SDK1: variants seen among roughly 807,000 people sequenced by gnomAD.
SDK1 encodes the protein sidekick cell adhesion molecule 1.
Under a neutral mutation model 245.5 loss-of-function variants are expected in SDK1, and 157 were observed. The observed-to-expected ratio is 0.64, with a 90% CI of 0.56 to 0.73. The LOEUF is 0.73. SDK1 is among the 30% of genes least tolerant of loss of function. The probability of loss-of-function intolerance (pLI) is 0.00; values close to 1 mark genes in which losing one functional copy is unlikely to be tolerated. For missense variants in SDK1, 3,583 were observed against 3,002.3 expected (o/e 1.19, Z -4.52); for synonymous variants, 1,647 against 1,278.5 (o/e 1.29, Z -6.15).
At chr7:3,609,621 C>G (rs778714592) in intron 1 of SDK1, among the ~76,000 whole-genome samples, 3 of 152,000 alleles carry the variant, frequency 2.0e-5, no homozygotes, top group Non-Finnish European at 4.4e-5. Context: ...AGGATGGTCT[C>G]GATTTCCTGA....
chr7:3,694,093 A>C (rs1298977466), intron 4 of SDK1, among the ~76,000 whole-genome samples: 1 of 152,160 alleles, frequency 6.6e-6, no homozygotes, highest in African/African-American at 2.4e-5. Context: ...TCTTGCCCAA[A>C]AGTGTGCCCG....
chr7:3,484,315 C>T (rs535543694), intron 1 of SDK1, among the ~76,000 whole-genome samples: 13 of 152,068 alleles, frequency 8.5e-5, no homozygotes, highest in African/African-American at 2.2e-4. Flanking sequence ...AAACATAGAT[C>T]GAAAATACAT....
chr7:3,377,810 A>T (rs998545954), intron 1 of SDK1, among the ~76,000 whole-genome samples: 1 of 151,918 alleles, frequency 6.6e-6, no homozygotes, highest in Non-Finnish European at 1.5e-5. Flanking sequence ...ACAGAGTCTC[A>T]CTCTGTTGCC....
chr7:4,205,873 C>T lies in SDK1; in HGVS notation c.5099-6C>T. Reference sequence around the variant, plus strand: ...TCAGCTTCTCTCCGCATTGCTCTTTCCTCAGCCCCGGCCATGGCCCCGCAG... The same window carrying T: ...TCAGCTTCTCTCCGCATTGCTCTTTTCTCAGCCCCGGCCATGGCCCCGCAG... On this transcript the variant is annotated splice_region_variant and splice_polypyrimidine_tract_variant and intron_variant, in intron 35 of 44. Coordinates refer to ENST00000404826, the MANE Select transcript of SDK1 (RefSeq NM_152744.4). The T allele has an allele frequency of 1.3e-6, 2 of 1,551,298 alleles. No homozygotes were observed. Among genetic ancestry groups the T allele is most frequent in the Non-Finnish European group, 1.7e-6 (2 of 1,146,580 alleles).
At chr7:3,994,799 C>G (rs1784582183) in intron 14 of SDK1, among the ~76,000 whole-genome samples, 2 of 152,190 alleles carry the variant, frequency 1.3e-5, no homozygotes, top group Admixed American at 6.5e-5. Context: ...ACCACTGACC[C>G]TAACTGGCTG....
chr7:3,344,112 C>T (rs1030157290), intron 1 of SDK1, among the ~76,000 whole-genome samples: 1 of 151,654 alleles, frequency 6.6e-6, no homozygotes, highest in Non-Finnish European at 1.5e-5. Flanking sequence ...TGTACCAAAG[C>T]CTATGGACAC....
intron 1 of SDK1, among the ~76,000 whole-genome samples, chr7:3,445,222 T>C (rs1780308974): frequency 6.6e-6 from 1 of 152,192 alleles, no homozygotes; most frequent in African/African-American, 2.4e-5. Flanking sequence ...ATTCACATTT[T>C]AACACTTGGG....
rs57333515 is a variant in SDK1 at position 4,127,577 on chromosome 7, C to T, written c.3939+81C>T. On this transcript the variant is annotated intron_variant, in intron 26 of 44. Coordinates refer to ENST00000404826, the MANE Select transcript of SDK1 (RefSeq NM_152744.4). ...AGCATGTGCTATTCCCCCAAAGCAA[C>T]GAGCTTCCTCTTCTCCTACAGATCT... is the stretch of plus-strand genomic sequence containing the variant. 2,726 of 984,330 alleles carry T rather than the reference C, an allele frequency of 2.8e-3. 33 individuals are homozygous for T. The African/African-American group carries it at 0.032, about 11-fold the overall frequency. 61.0% of individuals were successfully genotyped at this position (984,330 alleles called of 1,614,324 possible).
At chr7:4,169,667 G>C (rs1008946088) in intron 32 of SDK1, among the ~76,000 whole-genome samples, 7 of 152,182 alleles carry the variant, frequency 4.6e-5, no homozygotes, top group African/African-American at 1.7e-4. Context: ...ATTCCCCAAG[G>C]GGCGGAGCTC....
intron 1 of SDK1, among the ~76,000 whole-genome samples, chr7:3,529,999 G>A (rs774243205): frequency 7.2e-5 from 11 of 152,270 alleles, no homozygotes; most frequent in Admixed American, 1.3e-4. Context: ...GTGGATACAA[G>A]TCTGTATTTA....
chr7:4,207,258 G>C (rs1003183872), intron 36 of SDK1, among the ~76,000 whole-genome samples: 9 of 152,198 alleles, frequency 5.9e-5, no homozygotes, highest in African/African-American at 2.2e-4. Flanking sequence ...TTTCACATGG[G>C]CAAGCCGCTC....
At chr7:3,813,731 G>A (rs1422308793) in intron 4 of SDK1, among the ~76,000 whole-genome samples, 2 of 117,088 alleles carry the variant, frequency 1.7e-5, no homozygotes, top group Non-Finnish European at 3.4e-5. Context: ...CCCACCAACA[G>A]TGTAAAAGTG....
At chr7:4,156,241 G>T (rs543411761) in intron 30 of SDK1, among the ~76,000 whole-genome samples, 15 of 152,274 alleles carry the variant, frequency 9.9e-5, no homozygotes, top group Middle Eastern at 3.4e-3. Context: ...GGCGCAGGGG[G>T]AGGAGGCAGG....
intron 5 of SDK1, among the ~76,000 whole-genome samples, chr7:3,914,188 A>G (rs1450182181): frequency 5.9e-5 from 9 of 152,234 alleles, no homozygotes; most frequent in African/African-American, 2.2e-4. Context: ...TGCCTTTATC[A>G]TAATTAGGTG....
In SDK1 at chr7:3,779,798, G is replaced by T. The variant is rs549188808; in HGVS notation, c.714-41652G>T. On this transcript the variant is annotated intron_variant, in intron 4 of 44. Coordinates refer to ENST00000404826, the MANE Select transcript of SDK1 (RefSeq NM_152744.4). ...ATACAAAAAATTAGCCGGGCGCGGT[G>T]GCGGGCGCCTGTAGTCCCAGCTACT... 5.3e-4 allele frequency among the ~76,000 whole-genome samples: 81 copies of T among 152,150 alleles called. 1 individual carries two copies. The South Asian group carries it at 0.017, about 32-fold the overall frequency.
rs147022168 is a variant in SDK1 at position 3,629,938 on chromosome 7, G to A, written c.459-9066G>A. 5.7e-4 allele frequency among the ~76,000 whole-genome samples: 86 copies of A among 152,076 alleles called. 2 individuals are homozygous for A. Among genetic ancestry groups the A allele is most frequent in the African/African-American group, 1.9e-3 (77 of 41,510 alleles). On this transcript the variant is annotated intron_variant, in intron 2 of 44. Coordinates refer to ENST00000404826, the MANE Select transcript of SDK1 (RefSeq NM_152744.4). ...TTGCATATGATCAAAGTAGAGACAC[G>A]AAAAACACAAAAAAGGCAGAAATCT...
chr7:3,650,498 A>G lies in SDK1; in HGVS notation c.713+8393A>G, dbSNP rs73298256. On this transcript the variant is annotated intron_variant, in intron 4 of 44. Transcript: ENST00000404826. ...TTTTTAATTAAACGTAGTATCTGAG[A>G]TAATTGTAGGTTCACATACAGTCAA... is the stretch of plus-strand genomic sequence containing the variant. 8.7e-3 allele frequency among the ~76,000 whole-genome samples: 1,319 copies of G among 152,238 alleles called. 24 individuals are homozygous for G. Among genetic ancestry groups the G allele is most frequent in the African/African-American group, 0.03 (1,244 of 41,524 alleles).
At chr7:3,882,430 A>T (rs1781230076) in intron 5 of SDK1, among the ~76,000 whole-genome samples, 1 of 152,202 alleles carries the variant, frequency 6.6e-6, no homozygotes, top group Non-Finnish European at 1.5e-5. Flanking sequence ...TTTCTCTTCA[A>T]GGGCTTTGCT....
intron 34 of SDK1, among the ~76,000 whole-genome samples, chr7:4,177,868 G>C (rs903766970): frequency 1.3e-5 from 2 of 152,210 alleles, no homozygotes; most frequent in South Asian, 2.1e-4. Context: ...GTCCCATCTT[G>C]GGGGGAGGGG....
Sources: gnomAD v4.1 joint callset for allele counts (sites outside exome capture counted in the v4.1 genomes callset) on GRCh38, gnomAD v4.1.1 for gene constraint, MANE v1.5 for transcripts, NCBI Gene and HGNC (gene_info 2026-07-23, HGNC 2026-07-21) for gene names.